ARHGAP15: variants seen among roughly 807,000 people sequenced by gnomAD.
ARHGAP15 encodes rho GTPase-activating protein 15.
A neutral mutation model predicts 63.7 loss-of-function variants in ARHGAP15; 51 were observed. The ratio of observed to expected loss-of-function variants is 0.80; its 90% CI spans 0.64 to 1.01. The LOEUF (loss-of-function observed/expected upper bound fraction) is 1.01. Ranked by LOEUF, ARHGAP15 falls within the 50% of genes least tolerant of loss-of-function variation. ARHGAP15 has a pLI of 0.00. For synonymous variants in ARHGAP15, 191 were observed against 193.8 expected (o/e 0.99, Z 0.12); for missense variants, 560 against 564.6 (o/e 0.99, Z 0.08).
intron 8 of ARHGAP15, among the ~76,000 whole-genome samples, chr2:143,481,034 A>G (rs1692055124): frequency 6.6e-6 from 1 of 152,158 alleles, no homozygotes; most frequent in Non-Finnish European, 1.5e-5. Flanking sequence ...TTGTTATGTA[A>G]TCCCTATGAT....
At chr2:143,729,027 T>C (rs148485613) in intron 13 of ARHGAP15, among the ~76,000 whole-genome samples, 1 of 152,224 alleles carries the variant, frequency 6.6e-6, no homozygotes, top group African/African-American at 2.4e-5. Flanking sequence ...TCCTCCGCGA[T>C]GTACCAGTAA....
chr2:143,482,680 T>G (rs1293565986), intron 8 of ARHGAP15, among the ~76,000 whole-genome samples: 1 of 152,254 alleles, frequency 6.6e-6, no homozygotes, highest in East Asian at 1.9e-4. Context: ...AGTTTGGCTG[T>G]TAAAATCAGA....
At chr2:143,422,529 C>T (rs1423376348) in intron 6 of ARHGAP15, among the ~76,000 whole-genome samples, 1 of 152,118 alleles carries the variant, frequency 6.6e-6, no homozygotes, top group Non-Finnish European at 1.5e-5. Flanking sequence ...TAACAAAATT[C>T]AGTTCAGGCT....
chr2:143,616,719 C>T (rs993032135), intron 11 of ARHGAP15, among the ~76,000 whole-genome samples: 2 of 152,164 alleles, frequency 1.3e-5, no homozygotes, highest in African/African-American at 4.8e-5. Flanking sequence ...TCTGTCTCCT[C>T]TTGCCAGAAA....
chr2:143,425,663 G>A (rs1689110976), intron 6 of ARHGAP15, among the ~76,000 whole-genome samples: 1 of 152,004 alleles, frequency 6.6e-6, no homozygotes, highest in Non-Finnish European at 1.5e-5. Context: ...ATTCTCAGAA[G>A]AAAATTTTCA....
intron 13 of ARHGAP15, among the ~76,000 whole-genome samples, chr2:143,706,760 G>A (rs1684347231): frequency 6.6e-6 from 1 of 152,126 alleles, no homozygotes; most frequent in Non-Finnish European, 1.5e-5. Context: ...TTAAGACCAG[G>A]AATTCGGAAT....
intron 2 of ARHGAP15, among the ~76,000 whole-genome samples, chr2:143,199,230 G>A (rs111440857): frequency 4.1e-4 from 62 of 152,168 alleles, no homozygotes; most frequent in African/African-American, 1.4e-3. Flanking sequence ...GTTTCCTCAT[G>A]CATAGACCTT....
At chr2:143,668,788 C>A (rs62170309) in intron 12 of ARHGAP15, among the ~76,000 whole-genome samples, 8,433 of 152,276 alleles carry the variant, frequency 0.055, 351 homozygotes, top group South Asian at 0.09. Flanking sequence ...AATACATAGA[C>A]AATTCCAATG....
rs563422051 is a variant in ARHGAP15, at chr2:143,606,588, C to T, written c.1004-17545C>T. ...GAAAACGTGAGCAATGTATAACAATCCTTATTTCAACCACTGTATATAGAC... is the reference window on the plus strand; with the variant it reads ...GAAAACGTGAGCAATGTATAACAATTCTTATTTCAACCACTGTATATAGAC... On this transcript the variant is annotated intron_variant, in intron 11 of 13. Transcript: ENST00000295095. Among the ~76,000 whole-genome samples, 5 of 152,172 alleles carry T rather than the reference C, an allele frequency of 3.3e-5. No individual in the cohort carries two copies. In the East Asian group the frequency reaches 9.6e-4, roughly 29 times the overall value.
At chr2:143,425,682 AATTT>A (rs566713864) in intron 6 of ARHGAP15, among the ~76,000 whole-genome samples, 20 of 152,206 alleles carry the variant, frequency 1.3e-4, no homozygotes, top group East Asian at 9.7e-4. Context: ...CAACATTTTC[AATTT>A]ATTTAAGCCT....
chr2:143,554,639 A>G lies in ARHGAP15; in HGVS notation c.926-1769A>G, dbSNP rs943793509. ...AACAGCATCTAATGACAAAGGAAAAAAAGAAAATGATAAGTTTTTTGTAAA... is the reference window on the plus strand; with the variant it reads ...AACAGCATCTAATGACAAAGGAAAAGAAGAAAATGATAAGTTTTTTGTAAA... On this transcript the variant is annotated intron_variant, in intron 10 of 13. Coordinates refer to ENST00000295095, the MANE Select transcript of ARHGAP15 (RefSeq NM_018460.4). 8.3e-4 allele frequency among the ~76,000 whole-genome samples: 127 copies of G among 152,102 alleles called. 1 individual carries two copies. Among genetic ancestry groups the G allele is most frequent in the Admixed American group, 2.0e-3 (30 of 15,244 alleles).
At chr2:143,444,263 T>C (rs1690030938) in intron 8 of ARHGAP15, among the ~76,000 whole-genome samples, 1 of 152,226 alleles carries the variant, frequency 6.6e-6, no homozygotes, top group Non-Finnish European at 1.5e-5. Context: ...CAATATTTTA[T>C]TGGCATTAAT....
intron 6 of ARHGAP15, among the ~76,000 whole-genome samples, chr2:143,396,073 C>T (rs1005145102): frequency 1.3e-5 from 2 of 152,118 alleles, no homozygotes; most frequent in Admixed American, 1.3e-4. Context: ...TGGTCTTTGT[C>T]ACTACACCCT....
intron 9 of ARHGAP15, among the ~76,000 whole-genome samples, chr2:143,492,117 G>A (rs1053231419): frequency 2.6e-5 from 4 of 152,076 alleles, no homozygotes; most frequent in African/African-American, 9.7e-5. Context: ...CCTGAGCTAA[G>A]GCGATCTGCC....
intron 6 of ARHGAP15, among the ~76,000 whole-genome samples, chr2:143,261,597 C>T (rs1680728609): frequency 6.6e-6 from 1 of 151,930 alleles, no homozygotes; most frequent in Admixed American, 6.6e-5. Context: ...GATTACCAGC[C>T]TTGGCCTCCC....
At position 143,462,600 on chromosome 2, in the gene ARHGAP15, A is replaced by T. The variant is rs144362870; in HGVS notation, c.704-24773A>T. On this transcript the variant is annotated intron_variant, in intron 8 of 13. Transcript: ENST00000295095. ...GTCCTTCTCCAAAAATGTCTCACAT[A>T]TGAGGGAATGCTAACCTTAAAATCA... 2.0e-5 allele frequency among the ~76,000 whole-genome samples: 3 copies of T among 152,364 alleles called. 1 individual carries two copies. In the East Asian group the frequency reaches 5.8e-4, roughly 29 times the overall value.
At chr2:143,355,022 G>T (rs1352444915) in intron 6 of ARHGAP15, among the ~76,000 whole-genome samples, 3 of 152,120 alleles carry the variant, frequency 2.0e-5, no homozygotes, top group African/African-American at 4.8e-5. Flanking sequence ...AATATTTAAT[G>T]TTGTGTTTTT....
chr2:143,253,891 A>C (rs1447755183), intron 6 of ARHGAP15, among the ~76,000 whole-genome samples: 2 of 152,248 alleles, frequency 1.3e-5, no homozygotes, highest in African/African-American at 4.8e-5. Flanking sequence ...ATAAAAGATC[A>C]TACAAATTCT....
chr2:143,149,452 T>G (rs1236760710), intron 1 of ARHGAP15, among the ~76,000 whole-genome samples: 1 of 151,964 alleles, frequency 6.6e-6, no homozygotes, highest in African/African-American at 2.4e-5. Context: ...AAATATCAAG[T>G]ACCTATCCAA....
Sources: allele counts gnomAD v4.1 joint callset (sites outside exome capture counted in the v4.1 genomes callset), GRCh38; gene constraint gnomAD v4.1.1; transcripts MANE v1.5; gene names NCBI Gene and HGNC (gene_info 2026-07-23, HGNC 2026-07-21).